APCDD1: variants seen among roughly 807,000 people sequenced by gnomAD.
The protein encoded by APCDD1 is APC down-regulated 1.
Under a neutral mutation model 38.1 loss-of-function variants are expected in APCDD1, and 15 were observed. The observed-to-expected ratio is 0.39, with a 90% CI of 0.26 to 0.61. APCDD1 has a LOEUF of 0.61. Among genes scored for constraint, APCDD1 ranks in the 20% least tolerant of loss-of-function variants. The pLI, the probability that APCDD1 is intolerant of heterozygous loss-of-function variation, is 0.49. For synonymous variants in APCDD1, 261 were observed against 279.7 expected (o/e 0.93, Z 0.67); for missense variants, 647 against 696.2 (o/e 0.93, Z 0.79).
intron 3 of APCDD1, chr18:10,474,077 C>G (rs779036070): frequency 2.0e-5 from 3 of 152,182 alleles, no homozygotes; most frequent in African/African-American, 7.2e-5. Flanking sequence ...GCTCCCACGA[C>G]CATGCCCAGC....
In APCDD1 at chr18:10,475,803, G is replaced by GT. The variant is rs922902485; in HGVS notation, c.774+3742_774+3743insT. 1 of 151,196 alleles carries GT rather than the reference G, an allele frequency of 6.6e-6. No individual in the cohort carries two copies. Among genetic ancestry groups the GT allele is most frequent in the Non-Finnish European group, 1.5e-5 (1 of 68,010 alleles). 9.4% of individuals were successfully genotyped at this position (151,196 alleles called of 1,614,324 possible). A position where few individuals can be genotyped will look rare whatever the true frequency, so the allele number is the denominator to read the frequency against. The stretch of plus-strand genomic sequence containing the variant: ...CTCGCAAGATGGCTGAGGGGGGGGG[G>GT]GGTCAGTGGAAGGCCGAGTGGCTCT... On this transcript the variant is annotated intron_variant, in intron 3 of 4. Transcript: ENST00000355285. The surrounding 1 kb of genome is among the most constrained non-coding windows in gnomAD (Gnocchi z 4.0).
At position 10,487,735 on chromosome 18, in the gene APCDD1, C is replaced by T; in HGVS notation, c.1242C>T (p.Gly414=). ...VTHTNGCVAL[G]IKLPHTEYEI... ...ACACCAATGGCTGCGTGGCCCTGGG[C>T]ATCAAACTACCTCACACGGAGTACG... The change falls in exon 5 of 5, where the codon GGC becomes GGT. Residue 414 remains glycine, a synonymous_variant. Transcript: ENST00000355285. 1.2e-6 allele frequency: 2 copies of T among 1,614,136 alleles called. No homozygotes were observed. Among genetic ancestry groups the T allele is most frequent in the Non-Finnish European group, 1.7e-6 (2 of 1,180,038 alleles).
rs2031220134 is a variant in APCDD1 at position 10,485,116 on chromosome 18, T to C, written c.775-346T>C. ...TCCTTGCCAACTTGTGATTTTTTGA[T>C]AGCATTTTTTGATAGTAGCCATCCT... On this transcript the variant is annotated intron_variant, in intron 3 of 4. Transcript: ENST00000355285. This position sits in a 1 kb window ranked among gnomAD's most constrained non-coding sequence, Gnocchi z 5.8. Among the ~76,000 whole-genome samples, 1 of 152,192 alleles carries C rather than the reference T, an allele frequency of 6.6e-6. No homozygotes were observed. Among genetic ancestry groups the C allele is most frequent in the Admixed American group, 6.5e-5 (1 of 15,278 alleles).
chr18:10,487,843 C>T lies in APCDD1; in HGVS notation c.1350C>T (p.Asp450=), dbSNP rs2031283326. 1 of 1,613,882 alleles carries T rather than the reference C, an allele frequency of 6.2e-7. No individual in the cohort carries two copies. Among genetic ancestry groups the T allele is most frequent in the South Asian group, 1.1e-5 (1 of 91,094 alleles). Reference sequence around the variant, plus strand: ...GGCCCAGCGACGGGTCCAGCCCAGACAGGCCAGAGAAGAGAGCCACGTCCT... The same window carrying T: ...GGCCCAGCGACGGGTCCAGCCCAGATAGGCCAGAGAAGAGAGCCACGTCCT... ...GQRPSDGSSP[D]RPEKRATSYQ... Residue 450 remains aspartate (D), a synonymous_variant, in exon 5 of 5, where the codon GAC becomes GAT. Coordinates refer to ENST00000355285, the MANE Select transcript of APCDD1 (RefSeq NM_153000.5).
In APCDD1 at chr18:10,488,428, C is replaced by T. The variant is rs145170053; in HGVS notation, c.*390C>T. 4.4e-4 allele frequency: 86 copies of T among 194,992 alleles called. No homozygotes were observed. The East Asian group carries it at 0.012, about 26-fold the overall frequency. The allele number at this position is 194,992 out of a possible 1,614,324, so 12.1% of individuals were successfully genotyped here. ...AGCTACAACTTTTCCTGCCATTTTC[C>T]TGTGGTTGCAGCCTGTCTTCCTTTG... On this transcript the variant is annotated 3_prime_UTR_variant, in exon 5 of 5. Coordinates refer to ENST00000355285, the MANE Select transcript of APCDD1 (RefSeq NM_153000.5).
At chr18:10,484,737 C>A (rs188803548) in intron 3 of APCDD1, among the ~76,000 whole-genome samples, 2 of 152,180 alleles carry the variant, frequency 1.3e-5, no homozygotes, top group Non-Finnish European at 2.9e-5. Flanking sequence ...CCTATTGTAG[C>A]GGGTGTCAGA....
rs776614172 is a variant in APCDD1, at chr18:10,468,675, G to A, written c.242+23G>A. ...AGGGTAAGAGGACAGGTGGGGTCTG[G>A]GAGAGGCCAGAGAGCACACCACTAT... is the stretch of plus-strand genomic sequence containing the variant. On this transcript the variant is annotated intron_variant, in intron 2 of 4. Coordinates refer to ENST00000355285, the MANE Select transcript of APCDD1 (RefSeq NM_153000.5). The A allele has an allele frequency of 4.3e-6, 7 of 1,612,086 alleles. No homozygotes were observed. The African/African-American group carries it at 9.3e-5, about 22-fold the overall frequency.
chr18:10,454,660 G>C lies in APCDD1; in HGVS notation c.-322G>C, dbSNP rs763563825. The C allele has an allele frequency of 3.9e-6, 4 of 1,034,560 alleles. No individual in the cohort carries two copies. Among genetic ancestry groups the C allele is most frequent in the Non-Finnish European group, 4.6e-6 (4 of 863,654 alleles). The allele number at this position is 1,034,560 out of a possible 1,614,324, so 64.1% of individuals were successfully genotyped here. ...GAAGAGACGCTGCAGCTGCGGTGGC[G>C]GTGGCGGCCACTGCAGCTCAGAGCG... is the stretch of plus-strand genomic sequence containing the variant. On this transcript the variant is annotated 5_prime_UTR_variant, in exon 1 of 5. Transcript: ENST00000355285.
rs1468029668 is a variant in APCDD1 at position 10,467,756 on chromosome 18, T to A, written c.59-713T>A. ...TTGGAAGATAATTGGGGGGGAAATGTCACACCACGTCCCTATTGTAGGAGG... is the reference window on the plus strand; with the variant it reads ...TTGGAAGATAATTGGGGGGGAAATGACACACCACGTCCCTATTGTAGGAGG... On this transcript the variant is annotated intron_variant, in intron 1 of 4. Coordinates refer to ENST00000355285, the MANE Select transcript of APCDD1 (RefSeq NM_153000.5). The surrounding 1 kb of genome is among the most constrained non-coding windows in gnomAD (Gnocchi z 4.8). Among the ~76,000 whole-genome samples the A allele has an allele frequency of 1.3e-5, 2 of 152,188 alleles. No homozygotes were observed. The highest frequency in any genetic ancestry group is 2.9e-5 in the Non-Finnish European group (2 of 68,028).
chr18:10,457,562 G>C (rs1048683372), intron 1 of APCDD1, among the ~76,000 whole-genome samples: 1 of 152,130 alleles, frequency 6.6e-6, no homozygotes, highest in African/African-American at 2.4e-5. Flanking sequence ...GTCTATTTAT[G>C]GGTCAACTTA....
At position 10,468,669 on chromosome 18, in the gene APCDD1, G is replaced by A. The variant is rs771018610; in HGVS notation, c.242+17G>A. ...CTCCACAGGGTAAGAGGACAGGTGG[G>A]GTCTGGGAGAGGCCAGAGAGCACAC... On this transcript the variant is annotated intron_variant, in intron 2 of 4. Coordinates refer to ENST00000355285, the MANE Select transcript of APCDD1 (RefSeq NM_153000.5). 9.9e-6 allele frequency: 16 copies of A among 1,612,676 alleles called. No individual in the cohort carries two copies. In the South Asian group the frequency reaches 1.6e-4, roughly 17 times the overall value.
At chr18:10,463,469 C>T (rs1327522119) in intron 1 of APCDD1, among the ~76,000 whole-genome samples, 1 of 152,210 alleles carries the variant, frequency 6.6e-6, no homozygotes, top group Admixed American at 6.5e-5. Context: ...GACCAGAAAT[C>T]TGAGACAAGT....
chr18:10,471,641 C>T lies in APCDD1; in HGVS notation c.354C>T (p.Pro118=), dbSNP rs374768897. 16 of 1,614,062 alleles carry T rather than the reference C, an allele frequency of 9.9e-6. No homozygotes were observed. The highest frequency in any genetic ancestry group is 1.3e-5 in the Non-Finnish European group (15 of 1,180,054). ...FYYGSNRCTN[P]TYTLIIRGKI... is the part of the protein sequence containing the mutation. ...ATGGCAGCAACCGGTGCACAAATCC[C>T]ACTTATACTCTCATCATCCGGGGCA... is the stretch of plus-strand genomic sequence containing the variant. The change falls in exon 3 of 5, where the codon CCC becomes CCT. Residue 118 remains proline (P), a synonymous_variant. Coordinates refer to ENST00000355285, the MANE Select transcript of APCDD1 (RefSeq NM_153000.5). The surrounding 1 kb of genome is among the most constrained non-coding windows in gnomAD (Gnocchi z 5.5).
intron 3 of APCDD1, among the ~76,000 whole-genome samples, chr18:10,473,925 A>ACTT (rs779993956): frequency 7.8e-6 from 1 of 127,816 alleles, no homozygotes; most frequent in African/African-American, 3.0e-5. Flanking sequence ...CCTTTCTGGG[A>ACTT]TTTTTTTTTT....
Position 10,485,692 on chromosome 18 carries a change from G to A in APCDD1, c.1005G>A (p.Lys335=). 2 of 1,614,168 alleles carry A rather than the reference G, an allele frequency of 1.2e-6. No individual in the cohort carries two copies. The highest frequency in any genetic ancestry group is 8.5e-7 in the Non-Finnish European group (1 of 1,180,030). ...HYYHYSDPVC[K]HPTFSIYARG... is the part of the protein sequence containing the mutation. ...ACCACTACTCAGACCCGGTGTGCAAGCACCCCACCTTCTCCATCTACGCCC... is the reference window on the plus strand; with the variant it reads ...ACCACTACTCAGACCCGGTGTGCAAACACCCCACCTTCTCCATCTACGCCC... The change falls in exon 4 of 5, where the codon AAG becomes AAA. Residue 335 remains lysine (K), a synonymous_variant. Transcript: ENST00000355285. This position sits in a 1 kb window ranked among gnomAD's most constrained non-coding sequence, Gnocchi z 5.8.
chr18:10,483,832 G>A (rs1239638526), intron 3 of APCDD1, among the ~76,000 whole-genome samples: 3 of 152,216 alleles, frequency 2.0e-5, no homozygotes, highest in African/African-American at 4.8e-5. Flanking sequence ...CGATCGGCAC[G>A]TGCTGCTAGT....
In APCDD1 at chr18:10,475,397, CAT is replaced by C. The variant is rs2030966973; in HGVS notation, c.774+3339_774+3340del. Among the ~76,000 whole-genome samples the C allele has an allele frequency of 3.3e-5, 5 of 151,980 alleles. No homozygotes were observed. The South Asian group carries it at 1.0e-3, about 32-fold the overall frequency. Reference sequence around the variant, plus strand: ...TTAGGACCTTAGATACTACACGAGACATATTGTTAAGTAGGAAAAAAGGAAGT... The same window carrying C: ...TTAGGACCTTAGATACTACACGAGACATTGTTAAGTAGGAAAAAAGGAAGT... On this transcript the variant is annotated intron_variant, in intron 3 of 4. Transcript: ENST00000355285. This position sits in a 1 kb window ranked among gnomAD's most constrained non-coding sequence, Gnocchi z 4.0.
rs775364287 is a variant in APCDD1 at position 10,471,956 on chromosome 18, C to T, written c.669C>T (p.Leu223=). Residue 223 remains leucine (L), a synonymous_variant, in exon 3 of 5, where the codon CTC becomes CTT. Coordinates refer to ENST00000355285, the MANE Select transcript of APCDD1 (RefSeq NM_153000.5). This position sits in a 1 kb window ranked among gnomAD's most constrained non-coding sequence, Gnocchi z 5.5. ...AGAAGCAGTACCTTCACCACAACCTCGACCACCTGGTCGAGGAGCTCTTCC... is the reference window on the plus strand; with the variant it reads ...AGAAGCAGTACCTTCACCACAACCTTGACCACCTGGTCGAGGAGCTCTTCC... ...RVEKQYLHHN[L]DHLVEELFLG... 8.1e-6 allele frequency: 13 copies of T among 1,614,076 alleles called. No homozygotes were observed. The highest frequency in any genetic ancestry group is 6.7e-5 in the East Asian group (3 of 44,868).
Position 10,489,698 on chromosome 18 carries a change from CAA to C in APCDD1, c.*1673_*1674del, listed in dbSNP as rs35358902. On this transcript the variant is annotated 3_prime_UTR_variant, in exon 5 of 5. Transcript: ENST00000355285. Reference sequence around the variant, plus strand: ...TGGGCAACAGAGCGAGACTCCATCTCAAAAAAAAAAAAAAGTAACTTTATGAA... The same window carrying C: ...TGGGCAACAGAGCGAGACTCCATCTCAAAAAAAAAAAAGTAACTTTATGAA... 2,033 of 137,114 alleles carry C rather than the reference CAA, an allele frequency of 0.015. 41 individuals are homozygous for C. The highest frequency in any genetic ancestry group is 0.049 in the African/African-American group (1,857 of 37,962). The allele number at this position is 137,114 out of a possible 1,614,324, so 8.5% of individuals were successfully genotyped here.
Sources: gnomAD v4.1 joint callset for allele counts (sites outside exome capture counted in the v4.1 genomes callset) on GRCh38, gnomAD v4.1.1 for gene constraint, Gnocchi (gnomAD v3.1) non-coding constraint, MANE v1.5 for transcripts, NCBI Gene and HGNC (gene_info 2026-07-23, HGNC 2026-07-21) for gene names.